SPIRE1: variants seen among roughly 807,000 people sequenced by gnomAD.
SPIRE1 encodes spire type actin nucleation factor 1, also known as protein spire homolog 1.
SPIRE1 carries 40 observed loss-of-function variants against 94.1 expected under a neutral mutation model. That is an observed-to-expected ratio of 0.43 (90% CI 0.33 to 0.55). SPIRE1 has a LOEUF of 0.55. Among genes scored for constraint, SPIRE1 ranks in the 20% least tolerant of loss-of-function variants. The pLI is 0.06. For synonymous variants in SPIRE1, 376 were observed against 371.7 expected (o/e 1.01, Z -0.13); for missense variants, 838 against 975.2 (o/e 0.86, Z 1.87).
chr18:12,524,474 G>A (rs528490697), intron 4 of SPIRE1, among the ~76,000 whole-genome samples: 1 of 152,312 alleles, frequency 6.6e-6, no homozygotes, highest in South Asian at 2.1e-4. Flanking sequence ...TATTTATACT[G>A]ATGGGGGGAA....
intron 3 of SPIRE1, among the ~76,000 whole-genome samples, chr18:12,540,879 T>C (rs112833377): frequency 1.3e-5 from 2 of 152,230 alleles, no homozygotes; most frequent in African/African-American, 4.8e-5. Flanking sequence ...CTGAGTTGCA[T>C]GGTGAAATCT....
chr18:12,653,265 G>A (rs796994905), intron 1 of SPIRE1: 31 of 152,368 alleles, frequency 2.0e-4, no homozygotes, highest in African/African-American at 7.5e-4. Flanking sequence ...AAGAAACTCT[G>A]ACCTTGACAT....
intron 5 of SPIRE1, 116 bp downstream of exon 5, chr18:12,512,338 G>T (rs1660754765): frequency 5.8e-6 from 4 of 685,634 alleles, no homozygotes; most frequent in African/African-American, 1.8e-5. Flanking sequence ...AGTGAGCTGA[G>T]ATCGCACCAT....
rs1189295100 is a variant in SPIRE1, at chr18:12,493,968, G to A, written c.1060-767C>T. Among the ~76,000 whole-genome samples, 2 of 152,074 alleles carry A rather than the reference G, an allele frequency of 1.3e-5. 1 individual carries two copies. The highest frequency in any genetic ancestry group is 4.1e-4 in the South Asian group (2 of 4,820). On this transcript the variant is annotated intron_variant, in intron 7 of 16. Transcript: ENST00000409402. Reference sequence around the variant, plus strand: ...CACCCAGGCTGGAGTGCAGTGGCACGATCATGGCTCACTGTGGTCTTGACC... The same window carrying A: ...CACCCAGGCTGGAGTGCAGTGGCACAATCATGGCTCACTGTGGTCTTGACC...
chr18:12,638,339 G>A (rs1361764652), intron 1 of SPIRE1, among the ~76,000 whole-genome samples: 1 of 152,182 alleles, frequency 6.6e-6, no homozygotes, highest in Non-Finnish European at 1.5e-5. Flanking sequence ...AGCTACTCAG[G>A]AAGCTGAGGA....
At chr18:12,635,209 A>G in intron 1 of SPIRE1, 113 bp from the exon 2 acceptor site, 1 of 584,714 alleles carries the variant, frequency 1.7e-6, no homozygotes, top group South Asian at 2.2e-5. Flanking sequence ...GAGAATATCT[A>G]TGCAAATGAA....
chr18:12,565,372 CT>C (rs1013027068), intron 2 of SPIRE1, among the ~76,000 whole-genome samples: 1 of 151,852 alleles, frequency 6.6e-6, no homozygotes, highest in African/African-American at 2.4e-5. Context: ...AAAACTTTTC[CT>C]TTTTTTTCTT....
At chr18:12,582,958 G>T (rs1474521502) in intron 2 of SPIRE1, among the ~76,000 whole-genome samples, 2 of 152,160 alleles carry the variant, frequency 1.3e-5, no homozygotes, top group Admixed American at 1.3e-4. Context: ...ACCGCCCAGT[G>T]GGGACTGTGG....
chr18:12,635,930 C>T (rs2037913028), intron 1 of SPIRE1, among the ~76,000 whole-genome samples: 1 of 151,640 alleles, frequency 6.6e-6, no homozygotes, highest in Non-Finnish European at 1.5e-5. Flanking sequence ...ACTCTGTCAC[C>T]CAAGCTGGAG....
intron 4 of SPIRE1, among the ~76,000 whole-genome samples, chr18:12,514,042 A>G (rs1271084798): frequency 6.6e-6 from 1 of 151,956 alleles, no homozygotes; most frequent in Non-Finnish European, 1.5e-5. Flanking sequence ...GGGTCTCACT[A>G]TATTGCCTGG....
intron 1 of SPIRE1, among the ~76,000 whole-genome samples, chr18:12,654,156 G>C (rs540148752): frequency 1.3e-5 from 2 of 151,448 alleles, no homozygotes; most frequent in East Asian, 3.9e-4. Flanking sequence ...AGCCAACATG[G>C]TGAAAACCCT....
At chr18:12,661,661 G>C (rs557263233), upstream of SPIRE1, among the ~76,000 whole-genome samples, 4 of 152,106 alleles carry the variant, frequency 2.6e-5, no homozygotes, top group Non-Finnish European at 5.9e-5. Flanking sequence ...TGTAATCCCA[G>C]CTACTCGGGA....
At chr18:12,474,256 T>G (rs2032470542) in intron 10 of SPIRE1, among the ~76,000 whole-genome samples, 1 of 151,830 alleles carries the variant, frequency 6.6e-6, no homozygotes, top group Non-Finnish European at 1.5e-5. Context: ...TTACAGAGAG[T>G]GGACAAAGAG....
chr18:12,570,362 A>G (rs1427450467), intron 2 of SPIRE1, among the ~76,000 whole-genome samples: 1 of 152,220 alleles, frequency 6.6e-6, no homozygotes, highest in Admixed American at 6.5e-5. Flanking sequence ...TCAAATATCA[A>G]GGTTGTGGAG....
chr18:12,526,746 T>C (rs1307578119), intron 4 of SPIRE1, among the ~76,000 whole-genome samples: 1 of 151,996 alleles, frequency 6.6e-6, no homozygotes, highest in East Asian at 1.9e-4. Context: ...TCTCACTCAC[T>C]GTCGCCAGGC....
chr18:12,484,955 A>G (rs772658217), intron 9 of SPIRE1, among the ~76,000 whole-genome samples: 68 of 152,172 alleles, frequency 4.5e-4, no homozygotes, highest in Non-Finnish European at 9.3e-4. Context: ...TTAAAGTTTT[A>G]ATTTATAAAG....
chr18:12,649,571 A>G (rs1199029822), intron 1 of SPIRE1, among the ~76,000 whole-genome samples: 2 of 152,230 alleles, frequency 1.3e-5, no homozygotes, highest in African/African-American at 4.8e-5. Flanking sequence ...CACTGTTATG[A>G]AAGCAGGATG....
rs563524661 is a variant in SPIRE1 at position 12,573,912 on chromosome 18, T to C, written c.373-27008A>G. On this transcript the variant is annotated intron_variant, in intron 2 of 16. Coordinates refer to ENST00000409402, the MANE Select transcript of SPIRE1 (RefSeq NM_001128626.2). ...CTGCCACCACGCCCGGCTAATTTTT[T>C]GTATTTTTAGTAGAGACGGGGTTTC... Among the ~76,000 whole-genome samples, 11 of 152,262 alleles carry C rather than the reference T, an allele frequency of 7.2e-5. No homozygotes were observed. In the East Asian group the frequency reaches 2.1e-3, roughly 29 times the overall value.
At chr18:12,515,224 T>A (rs185996995) in intron 4 of SPIRE1, among the ~76,000 whole-genome samples, 458 of 152,158 alleles carry the variant, frequency 3.0e-3, no homozygotes, top group Admixed American at 3.7e-3. Context: ...CTTTTTTTTT[T>A]AAATTCCAGA....
Sources: gnomAD v4.1 joint callset for allele counts (sites outside exome capture counted in the v4.1 genomes callset) on GRCh38, gnomAD v4.1.1 for gene constraint, MANE v1.5 for transcripts, NCBI Gene and HGNC (gene_info 2026-07-23, HGNC 2026-07-21) for gene names.